CSMD3: variants seen among roughly 807,000 people sequenced by gnomAD.
CSMD3 encodes the protein CUB and Sushi multiple domains 3, also known as CUB and sushi domain-containing protein 3.
Under a neutral mutation model 435.2 loss-of-function variants are expected in CSMD3, and 177 were observed. The ratio of observed to expected loss-of-function variants is 0.41; its 90% CI spans 0.36 to 0.46. CSMD3 has a LOEUF of 0.46. Among genes scored for constraint, CSMD3 ranks in the 20% least tolerant of loss-of-function variants. The pLI, the probability that CSMD3 is intolerant of heterozygous loss-of-function variation, is 0.34. For missense variants in CSMD3, 4,265 were observed against 4,504.6 expected, an observed-to-expected ratio of 0.95 and a Z score of 1.52; for synonymous variants, 1,656 against 1,520.5, an observed-to-expected ratio of 1.09 and a Z score of -2.07.
At chr8:113,244,889 G>A (rs970790954) in intron 3 of CSMD3, among the ~76,000 whole-genome samples, 4 of 151,858 alleles carry the variant, frequency 2.6e-5, no homozygotes, top group African/African-American at 9.7e-5. Flanking sequence ...TATTAAATAT[G>A]AGGTGTTGAA....
intron 51 of CSMD3, 58 bp from the exon 52 acceptor site, chr8:112,304,973 C>G (rs2130780828): frequency 8.0e-7 from 1 of 1,255,626 alleles, no homozygotes; most frequent in Non-Finnish European, 1.1e-6. Flanking sequence ...AACGTCTATT[C>G]CATTCTTTAC....
intron 2 of CSMD3, among the ~76,000 whole-genome samples, chr8:113,302,567 C>A (rs972072190): frequency 6.6e-6 from 1 of 151,370 alleles, no homozygotes; most frequent in Non-Finnish European, 1.5e-5. Context: ...AATTTTGTTA[C>A]TAAAAACATT....
chr8:113,219,276 G>T (rs1463047589), intron 3 of CSMD3, among the ~76,000 whole-genome samples: 1 of 151,170 alleles, frequency 6.6e-6, no homozygotes, highest in African/African-American at 2.4e-5. Flanking sequence ...CAATAGAGAA[G>T]AGAAGTAAAA....
At chr8:112,273,182 A>T (rs1817684070) in intron 59 of CSMD3, among the ~76,000 whole-genome samples, 1 of 152,334 alleles carries the variant, frequency 6.6e-6, no homozygotes, top group South Asian at 2.1e-4. Flanking sequence ...TCACAAAAAT[A>T]GGAATGTTTA....
intron 10 of CSMD3, among the ~76,000 whole-genome samples, chr8:112,891,875 C>T (rs1194568201): frequency 6.6e-6 from 1 of 151,302 alleles, no homozygotes; most frequent in African/African-American, 2.4e-5. Context: ...GCTACTCTAA[C>T]TCCCTAAATT....
At chr8:113,227,636 T>C (rs1247123965) in intron 3 of CSMD3, among the ~76,000 whole-genome samples, 3 of 151,568 alleles carry the variant, frequency 2.0e-5, no homozygotes, top group African/African-American at 7.3e-5. Flanking sequence ...TGAGATCTGA[T>C]TGTTTAAAAG....
intron 4 of CSMD3, among the ~76,000 whole-genome samples, chr8:113,155,920 C>A (rs1588167543): frequency 6.6e-6 from 1 of 151,922 alleles, no homozygotes; most frequent in African/African-American, 2.4e-5. Flanking sequence ...ATACAGGAAG[C>A]CTTTCAGCTG....
rs11374817 is a variant in CSMD3, at chr8:112,421,175, A to ATT, written c.5396-12145_5396-12144dup. ...TTTATGTTGAGAGTCATGTTTGCAC[A>ATT]TTTTTTTTTTAACAGAAGGAATTCC... On this transcript the variant is annotated intron_variant, in intron 32 of 70. Coordinates refer to ENST00000297405, the MANE Select transcript of CSMD3 (RefSeq NM_198123.2). Among the ~76,000 whole-genome samples, 156 of 150,016 alleles carry ATT rather than the reference A, an allele frequency of 1.0e-3. 1 individual carries two copies. In the East Asian group the frequency reaches 0.013, roughly 13 times the overall value.
intron 70 of CSMD3, among the ~76,000 whole-genome samples, chr8:112,227,921 A>G (rs918216800): frequency 6.6e-6 from 1 of 152,082 alleles, no homozygotes; most frequent in African/African-American, 2.4e-5. Flanking sequence ...GGGTACCTGT[A>G]GTCCCATCTA....
chr8:113,321,019 T>A (rs1405858048), intron 1 of CSMD3, among the ~76,000 whole-genome samples: 1 of 151,840 alleles, frequency 6.6e-6, no homozygotes, highest in Non-Finnish European at 1.5e-5. Context: ...CCCCTCTTTG[T>A]TTTTCTATTC....
At chr8:113,083,867 A>G (rs952290623) in intron 5 of CSMD3, among the ~76,000 whole-genome samples, 5 of 152,206 alleles carry the variant, frequency 3.3e-5, no homozygotes, top group African/African-American at 1.2e-4. Context: ...CCAGTTACTC[A>G]GAAGGCTGAT....
At chr8:112,945,340 A>T (rs143094816) in intron 9 of CSMD3, among the ~76,000 whole-genome samples, 235 of 151,870 alleles carry the variant, frequency 1.5e-3, no homozygotes, top group African/African-American at 5.6e-3. Context: ...AGTTTTCTTC[A>T]ATCACTGAGC....
At chr8:112,424,923 C>A (rs1029220475) in intron 32 of CSMD3, among the ~76,000 whole-genome samples, 1 of 152,194 alleles carries the variant, frequency 6.6e-6, no homozygotes, top group Non-Finnish European at 1.5e-5. Context: ...ATCTCTCGAC[C>A]TTGCGGTCTG....
At chr8:113,128,964 T>A (rs368554017) in intron 4 of CSMD3, among the ~76,000 whole-genome samples, 27 of 152,152 alleles carry the variant, frequency 1.8e-4, no homozygotes, top group African/African-American at 6.5e-4. Context: ...AATACTCAGT[T>A]TACTGAAACA....
chr8:113,155,227 C>T (rs538222167), intron 4 of CSMD3, among the ~76,000 whole-genome samples: 3 of 151,910 alleles, frequency 2.0e-5, no homozygotes, highest in Admixed American at 6.6e-5. Context: ...GTAAAAATCG[C>T]CCTAATCAAC....
At chr8:112,776,067 TA>T (rs1315001154) in intron 13 of CSMD3, among the ~76,000 whole-genome samples, 6 of 151,782 alleles carry the variant, frequency 4.0e-5, no homozygotes, top group African/African-American at 1.4e-4. Context: ...GTAAGCCACA[TA>T]AGGAGAAAAT....
chr8:113,120,158 C>T (rs1344567004), intron 4 of CSMD3, among the ~76,000 whole-genome samples: 1 of 151,984 alleles, frequency 6.6e-6, no homozygotes, highest in Non-Finnish European at 1.5e-5. Flanking sequence ...AATTCATCTA[C>T]AATCTGCTTC....
At chr8:112,906,790 T>C (rs2082275642) in intron 10 of CSMD3, among the ~76,000 whole-genome samples, 1 of 151,582 alleles carries the variant, frequency 6.6e-6, no homozygotes, top group African/African-American at 2.4e-5. Flanking sequence ...ATTCAAATTC[T>C]TTCACTGATC....
rs147203314 is a variant in CSMD3, at chr8:112,947,596, A to T, written c.1508+194T>A. ...AATTAATCATTTAAACTAAAAAAAA[A>T]GTGTTCTAATAAAGTTAATGCATTA... On this transcript the variant is annotated intron_variant, in intron 9 of 70. Coordinates refer to ENST00000297405, the MANE Select transcript of CSMD3 (RefSeq NM_198123.2). Among the ~76,000 whole-genome samples, 569 of 151,888 alleles carry T rather than the reference A, an allele frequency of 3.7e-3. 2 individuals carry two copies. The highest frequency in any genetic ancestry group is 0.013 in the African/African-American group (548 of 41,522).
Sources: gnomAD v4.1 joint callset for allele counts (sites outside exome capture counted in the v4.1 genomes callset) on GRCh38, gnomAD v4.1.1 for gene constraint, MANE v1.5 for transcripts, NCBI Gene and HGNC (gene_info 2026-07-23, HGNC 2026-07-21) for gene names.